The following KAZN variants were observed in gnomAD, a reference collection of about 807,000 sequenced individuals.
The protein encoded by KAZN is kazrin, periplakin interacting protein.
Under a neutral mutation model 87.4 loss-of-function variants are expected in KAZN, and 40 were observed. The observed-to-expected ratio is 0.46, with a 90% confidence interval of 0.36 to 0.60. The LOEUF (loss-of-function observed/expected upper bound fraction) is 0.60. Among genes scored for constraint, KAZN ranks in the 20% least tolerant of loss-of-function variants. The pLI, the probability that KAZN is intolerant of heterozygous loss-of-function variation, is 0.00. For synonymous variants in KAZN, 466 were observed against 458.3 expected (o/e 1.02, Z -0.22); for missense variants, 898 against 1,073.9 (o/e 0.84, Z 2.29).
chr1:14,472,550 C>T (rs143701499), intron 2 of KAZN, among the ~76,000 whole-genome samples: 274 of 152,178 alleles, frequency 1.8e-3, no homozygotes, highest in Non-Finnish European at 3.0e-3. Context: ...CCCCATCTTC[C>T]AGGAGGGTAA....
intron 1 of KAZN, among the ~76,000 whole-genome samples, chr1:14,112,753 T>C (rs956425428): frequency 3.2e-4 from 48 of 152,320 alleles, no homozygotes; most frequent in African/African-American, 1.0e-3. Flanking sequence ...AGTGCAGTCT[T>C]GGCACTGATG....
intron 2 of KAZN, among the ~76,000 whole-genome samples, chr1:14,983,842 TG>T (rs1281648920): frequency 3.3e-5 from 5 of 152,220 alleles, no homozygotes; most frequent in African/African-American, 1.2e-4. Context: ...CTCAGGAGGC[TG>T]AGGCAGGAGA....
chr1:15,050,863 C>T (rs1382059307), intron 4 of KAZN, among the ~76,000 whole-genome samples: 1 of 152,198 alleles, frequency 6.6e-6, no homozygotes, highest in East Asian at 1.9e-4. Flanking sequence ...AGTCATTGGT[C>T]CTTGGTGTTG....
At chr1:14,295,819 T>A (rs1039553238) in intron 2 of KAZN, among the ~76,000 whole-genome samples, 2 of 152,220 alleles carry the variant, frequency 1.3e-5, no homozygotes, top group African/African-American at 4.8e-5. Context: ...CTTTCCTTCA[T>A]GTTGCTTATT....
chr1:14,466,270 A>G (rs537472631), intron 2 of KAZN, among the ~76,000 whole-genome samples: 3 of 152,256 alleles, frequency 2.0e-5, no homozygotes, highest in Non-Finnish European at 4.4e-5. Context: ...GCTCCCTATG[A>G]CATGCAGTAT....
At chr1:14,353,387 C>A in intron 2 of KAZN, among the ~76,000 whole-genome samples, 1 of 151,988 alleles carries the variant, frequency 6.6e-6, no homozygotes, top group Non-Finnish European at 1.5e-5. Flanking sequence ...CCACGCCCGG[C>A]TAATTTTTTG....
intron 8 of KAZN, among the ~76,000 whole-genome samples, chr1:15,076,056 T>C (rs1018841076): frequency 1.3e-5 from 2 of 152,172 alleles, no homozygotes; most frequent in Admixed American, 1.3e-4. Flanking sequence ...CTGATGTCTG[T>C]GGAGGCGGTG....
chr1:14,131,477 G>A (rs1201365075), intron 1 of KAZN, among the ~76,000 whole-genome samples: 3 of 152,138 alleles, frequency 2.0e-5, no homozygotes, highest in African/African-American at 7.2e-5. Context: ...AACAAACTTA[G>A]TGTAGAAGGA....
At chr1:14,049,497 A>G (rs867899676) in intron 1 of KAZN, among the ~76,000 whole-genome samples, 1 of 152,084 alleles carries the variant, frequency 6.6e-6, no homozygotes, top group African/African-American at 2.4e-5. Context: ...GAACCTTCCA[A>G]TGAGTACCTG....
At chr1:13,929,047 CTTTTTTTTTT>C (rs33984927) in intron 1 of KAZN, among the ~76,000 whole-genome samples, 4 of 101,534 alleles carry the variant, frequency 3.9e-5, no homozygotes, top group East Asian at 2.7e-4. Context: ...AGCTTCAAGG[CTTTTTTTTTT>C]TTTTTTTTTT....
intron 13 of KAZN, among the ~76,000 whole-genome samples, chr1:15,109,947 G>GTTTCTA (rs1159608021): frequency 6.6e-6 from 1 of 150,688 alleles, no homozygotes; most frequent in Non-Finnish European, 1.5e-5. Flanking sequence ...GTGTGTTTGT[G>GTTTCTA]TATGTGTTTG....
At chr1:14,995,687 G>T (rs923461255) in intron 2 of KAZN, among the ~76,000 whole-genome samples, 1 of 151,818 alleles carries the variant, frequency 6.6e-6, no homozygotes, top group Non-Finnish European at 1.5e-5. Flanking sequence ...CAGGGGCTCA[G>T]TGGGAGCTTT....
chr1:14,176,026 T>G (rs78559037), intron 1 of KAZN, among the ~76,000 whole-genome samples: 136 of 152,332 alleles, frequency 8.9e-4, no homozygotes, highest in Non-Finnish European at 1.6e-3. Flanking sequence ...TGTATAGTCA[T>G]AATGCTAAAA....
chr1:14,584,571 C>T (rs1363669530), intron 2 of KAZN, among the ~76,000 whole-genome samples: 4 of 152,162 alleles, frequency 2.6e-5, no homozygotes, highest in South Asian at 2.1e-4. Flanking sequence ...TGTGATGGGC[C>T]GAAGTGTACC....
intron 2 of KAZN, among the ~76,000 whole-genome samples, chr1:14,547,613 C>T (rs774192958): frequency 2.6e-5 from 4 of 152,134 alleles, no homozygotes; most frequent in Non-Finnish European, 4.4e-5. Context: ...TACAGAGTCT[C>T]GCTCTGTCGC....
chr1:14,928,303 G>A (rs970119937), intron 1 of KAZN, among the ~76,000 whole-genome samples: 1 of 152,076 alleles, frequency 6.6e-6, no homozygotes, highest in African/African-American at 2.4e-5. Context: ...ACAAAAATTA[G>A]CCGGGCGTGT....
At chr1:14,043,822 A>G (rs2101416350) in intron 1 of KAZN, among the ~76,000 whole-genome samples, 1 of 152,308 alleles carries the variant, frequency 6.6e-6, no homozygotes, top group East Asian at 1.9e-4. Context: ...AAAAAGGTTC[A>G]GTGACTTGTC....
At chr1:14,957,588 C>T (rs1311994311) in intron 1 of KAZN, among the ~76,000 whole-genome samples, 1 of 152,228 alleles carries the variant, frequency 6.6e-6, no homozygotes, top group East Asian at 1.9e-4. Flanking sequence ...GCCTGCCGTG[C>T]TGTTGACGCT....
intron 2 of KAZN, among the ~76,000 whole-genome samples, chr1:14,258,527 G>A (rs1451256650): frequency 7.9e-5 from 12 of 151,622 alleles, no homozygotes; most frequent in East Asian, 1.9e-4. Flanking sequence ...GAGCCACTGC[G>A]CCTAAAAAAA....
Sources: gnomAD v4.1 joint callset for allele counts (sites outside exome capture counted in the v4.1 genomes callset) on GRCh38, gnomAD v4.1.1 for gene constraint, MANE v1.5 for transcripts, NCBI Gene and HGNC (gene_info 2026-07-23, HGNC 2026-07-21) for gene names.